TM4SF1: variants seen among roughly 807,000 people sequenced by gnomAD.
The protein encoded by TM4SF1 is transmembrane 4 L six family member 1.
In TM4SF1, 20 loss-of-function variants were observed where a neutral mutation model predicts 24.5. The observed-to-expected ratio is 0.82, with a 90% confidence interval of 0.57 to 1.19. The LOEUF (loss-of-function observed/expected upper bound fraction) is 1.19. TM4SF1 is among the 50% of genes most tolerant of loss of function. The pLI is 0.00. For missense variants in TM4SF1, 258 were observed against 248.1 expected (o/e 1.04, Z -0.27); for synonymous variants, 107 against 95.4 (o/e 1.12, Z -0.71).
At chr3:149,371,431 C>T (rs1576847738) in intron 4 of TM4SF1, 2 of 586,642 alleles carry the variant, frequency 3.4e-6, no homozygotes, top group African/African-American at 1.9e-5. Context: ...CTGAAGGGAG[C>T]GCTGTGTCTA....
Position 149,377,359 on chromosome 3 carries a change from T to G in TM4SF1, c.177+12A>C. The G allele has an allele frequency of 6.2e-7, 1 of 1,610,842 alleles. No individual in the cohort carries two copies. The highest frequency in any genetic ancestry group is 8.5e-7 in the Non-Finnish European group (1 of 1,178,562). ...ACAGGAGAGAATTCAGTAATAATCCTGAATGACTTACCAGCAGGCCACCTC... is the reference window on the plus strand; with the variant it reads ...ACAGGAGAGAATTCAGTAATAATCCGGAATGACTTACCAGCAGGCCACCTC... On this transcript the variant is annotated intron_variant, in intron 1 of 4. Coordinates refer to ENST00000305366, the MANE Select transcript of TM4SF1 (RefSeq NM_014220.3).
intron 1 of TM4SF1, among the ~76,000 whole-genome samples, chr3:149,376,929 A>C (rs538741918): frequency 2.6e-4 from 39 of 152,212 alleles, no homozygotes; most frequent in Admixed American, 9.2e-4. Context: ...CAATGCACTC[A>C]CAATTCATTA....
intron 3 of TM4SF1, 94 bp from the exon 4 acceptor site, chr3:149,371,961 A>T: frequency 6.6e-6 from 8 of 1,215,670 alleles, no homozygotes; most frequent in Non-Finnish European, 9.3e-6. Context: ...TTCAGAAAAA[A>T]GGAATGAATT....
rs546291501 is a variant in TM4SF1 at position 149,369,683 on chromosome 3, AAAG to A, written c.*180_*182del. The A allele has an allele frequency of 8.8e-4, 605 of 688,310 alleles. 11 individuals carry two copies. The South Asian group carries it at 0.013, about 15-fold the overall frequency. 42.6% of individuals were successfully genotyped at this position (688,310 alleles called of 1,614,324 possible). A position where few individuals can be genotyped will look rare whatever the true frequency, so the allele number is the denominator to read the frequency against. ...AAACAAAAACAAATAAACAAACAAA[AAAG>A]AAGTTTACTAAATTTAAACACTGAC... On this transcript the variant is annotated 3_prime_UTR_variant, in exon 5 of 5. Coordinates refer to ENST00000305366, the MANE Select transcript of TM4SF1 (RefSeq NM_014220.3).
chr3:149,373,546 A>T (rs979625262), intron 3 of TM4SF1, among the ~76,000 whole-genome samples: 2 of 152,232 alleles, frequency 1.3e-5, no homozygotes, highest in African/African-American at 4.8e-5. Context: ...TCATTGAGCC[A>T]ATCAGAGATT....
At position 149,371,742 on chromosome 3, in the gene TM4SF1, T is replaced by G. The variant is rs550981656; in HGVS notation, c.539A>C (p.Gln180Pro). The change falls in exon 4 of 5, where the codon CAA (glutamine) becomes CCA (proline). Residue 180 changes from glutamine to proline, a missense_variant. By Grantham distance (76) the Gln-to-Pro change is moderately conservative (BLOSUM62 -1). Transcript: ENST00000305366. ...GCCTCCAAGCACTCCATTTATTACT[T>G]GAATAAGACACAAGATGAATTCAAT... is the stretch of plus-strand genomic sequence containing the variant. Reference protein sequence around the residue: ...GGIEFILCLIQVINGVLGGIC... With the variant: ...GGIEFILCLIPVINGVLGGIC... The G allele has an allele frequency of 1.9e-6, 3 of 1,614,130 alleles. No individual in the cohort carries two copies. Among genetic ancestry groups the G allele is most frequent in the East Asian group, 4.5e-5 (2 of 44,882 alleles).
chr3:149,374,461 A>G (rs1400280674), intron 3 of TM4SF1, among the ~76,000 whole-genome samples: 4 of 152,220 alleles, frequency 2.6e-5, no homozygotes, highest in Admixed American at 1.3e-4. Context: ...GAGTAGGGAA[A>G]AGGGAAACTC....
Position 149,377,419 on chromosome 3 carries a change from G to A in TM4SF1, c.129C>T (p.Leu43=), listed in dbSNP as rs778660991. The change falls in exon 1 of 5, where the codon CTC becomes CTT. Residue 43 remains leucine, a synonymous_variant. Coordinates refer to ENST00000305366, the MANE Select transcript of TM4SF1 (RefSeq NM_014220.3). ...CAGAAAAGAACCACACGAAGCGGCT[G>A]AGGTGGTTTTCGGAGGCATACTTTG... ...GETKYASENH[L]SRFVWFFSGI... 9.9e-6 allele frequency: 16 copies of A among 1,614,106 alleles called. No homozygotes were observed. The South Asian group carries it at 1.6e-4, about 17-fold the overall frequency.
intron 1 of TM4SF1, 85 bp downstream of exon 1, chr3:149,377,286 C>T (rs1263311240): frequency 2.7e-6 from 4 of 1,487,424 alleles, no homozygotes; most frequent in African/African-American, 1.4e-5. Flanking sequence ...TAGAAATATG[C>T]ATTACAAAAA....
At position 149,369,336 on chromosome 3, in the gene TM4SF1, T is replaced by A. The variant is rs1731765628; in HGVS notation, c.*530A>T. The A allele has an allele frequency of 6.5e-6, 1 of 153,746 alleles. No homozygotes were observed. Among genetic ancestry groups the A allele is most frequent in the African/African-American group, 2.4e-5 (1 of 41,440 alleles). The allele number at this position is 153,746 out of a possible 1,614,324, so 9.5% of individuals were successfully genotyped here. A position where few individuals can be genotyped will look rare whatever the true frequency, so the allele number is the denominator to read the frequency against. ...GAACATTCTCAATCAGTCCTTCCACTCTAAGTAAATATTTGTTTCTCACAG... is the reference window on the plus strand; with the variant it reads ...GAACATTCTCAATCAGTCCTTCCACACTAAGTAAATATTTGTTTCTCACAG... On this transcript the variant is annotated 3_prime_UTR_variant, in exon 5 of 5. Coordinates refer to ENST00000305366, the MANE Select transcript of TM4SF1 (RefSeq NM_014220.3).
At chr3:149,376,390 C>T (rs750926414) in intron 1 of TM4SF1, among the ~76,000 whole-genome samples, 17 of 152,286 alleles carry the variant, frequency 1.1e-4, no homozygotes, top group East Asian at 1.9e-4. Context: ...TTGAGGCAGA[C>T]GGGCACTGTG....
chr3:149,376,847 C>G lies in TM4SF1; in HGVS notation c.177+524G>C, dbSNP rs139133675. 2.8e-4 allele frequency among the ~76,000 whole-genome samples: 42 copies of G among 152,270 alleles called. No individual in the cohort carries two copies. In the East Asian group the frequency reaches 6.9e-3, roughly 25 times the overall value. ...GCTTCAGACACCGACCTGCTGCTAA[C>G]TGTAGGGTTTTTCCTAGACGCCACA... On this transcript the variant is annotated intron_variant, in intron 1 of 4. Transcript: ENST00000305366.
rs764592169 is a variant in TM4SF1 at position 149,377,388 on chromosome 3, C to T, written c.160G>A (p.Val54Ile). 49 of 1,613,744 alleles carry T rather than the reference C, an allele frequency of 3.0e-5. No homozygotes were observed. The highest frequency in any genetic ancestry group is 3.6e-5 in the Non-Finnish European group (42 of 1,179,892). ...SRFVWFFSGIVGGGLLMLLPA... is the reference protein window; with the variant it reads ...SRFVWFFSGIIGGGLLMLLPA... The stretch of plus-strand genomic sequence containing the variant: ...TGACTTACCAGCAGGCCACCTCCTA[C>T]GATGCCAGAAAAGAACCACACGAAG... Residue 54 changes from valine to isoleucine, a missense_variant, in exon 1 of 5, where the codon GTA becomes ATA. Physicochemically the swap from Val to Ile is conservative, Grantham distance 29 (BLOSUM62 3). Coordinates refer to ENST00000305366, the MANE Select transcript of TM4SF1 (RefSeq NM_014220.3).
intron 3 of TM4SF1, among the ~76,000 whole-genome samples, chr3:149,374,618 C>T (rs1455107978): frequency 6.6e-6 from 1 of 152,026 alleles, no homozygotes; most frequent in Non-Finnish European, 1.5e-5. Flanking sequence ...ACAAATTATC[C>T]TGATATTATG....
intron 2 of TM4SF1, 33 bp from the exon 3 acceptor site, chr3:149,375,621 A>G: frequency 6.2e-7 from 1 of 1,614,230 alleles, no homozygotes; most frequent in African/African-American, 1.3e-5. Flanking sequence ...GAAGTGAGCC[A>G]CAGAGTGCCA....
chr3:149,373,267 A>G (rs1226362662), intron 3 of TM4SF1, among the ~76,000 whole-genome samples: 1 of 152,262 alleles, frequency 6.6e-6, no homozygotes, highest in Non-Finnish European at 1.5e-5. Flanking sequence ...CTGAGGTGAT[A>G]TCTGACTATA....
chr3:149,372,550 A>AT (rs1431434496), intron 3 of TM4SF1, among the ~76,000 whole-genome samples: 1 of 152,156 alleles, frequency 6.6e-6, no homozygotes, highest in Non-Finnish European at 1.5e-5. Flanking sequence ...GAACAAAGCT[A>AT]TTTTTTGTTT....
chr3:149,377,104 G>A (rs1400380562), intron 1 of TM4SF1, among the ~76,000 whole-genome samples: 2 of 152,174 alleles, frequency 1.3e-5, no homozygotes, highest in African/African-American at 4.8e-5. Context: ...TGATTTAAAA[G>A]CGAATATCTG....
chr3:149,377,577 C>G lies in TM4SF1; in HGVS notation c.-30G>C. ...GTCTGCTAGGTTTTCTCCCCCTTCT[C>G]TTTGTCTTCAGCTCAGTGATACCCC... On this transcript the variant is annotated 5_prime_UTR_variant, in exon 1 of 5. Transcript: ENST00000305366. 1 of 1,596,774 alleles carries G rather than the reference C, an allele frequency of 6.3e-7. No homozygotes were observed. The highest frequency in any genetic ancestry group is 1.3e-5 in the African/African-American group (1 of 74,714).
Sources: allele counts gnomAD v4.1 joint callset (sites outside exome capture counted in the v4.1 genomes callset), GRCh38; gene constraint gnomAD v4.1.1; transcripts MANE v1.5; gene names NCBI Gene and HGNC (gene_info 2026-07-23, HGNC 2026-07-21).